The following TFDP2 variants were observed in gnomAD, a reference collection of about 807,000 sequenced individuals.
TFDP2 encodes the protein transcription factor Dp-2, also known as transcription factor Dp-2 (E2F dimerization partner 2).
A neutral mutation model predicts 59.3 loss-of-function variants in TFDP2; 17 were observed. The ratio of observed to expected loss-of-function variants is 0.29; its 90% CI spans 0.20 to 0.43. The LOEUF is 0.43. Among genes scored for constraint, TFDP2 ranks in the 20% least tolerant of loss-of-function variants. The probability of loss-of-function intolerance (pLI) is 1.00; values close to 1 mark genes in which losing one functional copy is unlikely to be tolerated. For synonymous variants in TFDP2, 180 were observed against 194.7 expected (o/e 0.92, Z 0.63); for missense variants, 391 against 528.8 (o/e 0.74, Z 2.56).
intron 3 of TFDP2, among the ~76,000 whole-genome samples, chr3:142,034,350 C>G (rs569973335): frequency 8.5e-5 from 13 of 152,120 alleles, no homozygotes; most frequent in African/African-American, 2.9e-4. Context: ...CCGCCCACCT[C>G]GGCCTCCCAA....
chr3:142,037,733 G>C (rs1290136632), intron 3 of TFDP2, among the ~76,000 whole-genome samples: 1 of 152,146 alleles, frequency 6.6e-6, no homozygotes, highest in Non-Finnish European at 1.5e-5. Context: ...AAAACATGGG[G>C]AAAGAAACAT....
In TFDP2 at chr3:142,001,558, C is replaced by T. The variant is rs79743299; in HGVS notation, c.186+3883G>A. 4.0e-3 allele frequency among the ~76,000 whole-genome samples: 604 copies of T among 152,264 alleles called. 4 individuals carry two copies. The highest frequency in any genetic ancestry group is 7.0e-3 in the Admixed American group (107 of 15,284). Reference sequence around the variant, plus strand: ...AGCTTCCACCCATGCACGCTAATCTCCTTATCAAAAGGTGACTAGGCCACT... The same window carrying T: ...AGCTTCCACCCATGCACGCTAATCTTCTTATCAAAAGGTGACTAGGCCACT... On this transcript the variant is annotated intron_variant, in intron 4 of 12. Transcript: ENST00000489671.
At chr3:142,060,257 T>C (rs1040397836) in intron 3 of TFDP2, among the ~76,000 whole-genome samples, 3 of 152,174 alleles carry the variant, frequency 2.0e-5, no homozygotes, top group Non-Finnish European at 4.4e-5. Flanking sequence ...ATCCTTCCAC[T>C]TCAGCCTCCC....
intron 4 of TFDP2, 60 bp downstream of exon 4, chr3:142,005,381 T>C (rs923381366): frequency 4.5e-6 from 6 of 1,342,522 alleles, no homozygotes; most frequent in East Asian, 4.6e-5. Context: ...AATGCAATTA[T>C]TCTTTAAATT....
intron 3 of TFDP2, among the ~76,000 whole-genome samples, chr3:142,041,085 A>G (rs1444818452): frequency 6.6e-6 from 1 of 152,182 alleles, no homozygotes; most frequent in African/African-American, 2.4e-5. Context: ...AGTTCTGTCA[A>G]TTCTCCTAGT....
rs1935285431 is a variant in TFDP2 at position 141,946,705 on chromosome 3, A to G, written c.*5808T>C. 1 of 152,162 alleles carries G rather than the reference A, an allele frequency of 6.6e-6. No individual in the cohort carries two copies. The highest frequency in any genetic ancestry group is 6.6e-5 in the Admixed American group (1 of 15,262). The allele number at this position is 152,162 out of a possible 1,614,324, so 9.4% of individuals were successfully genotyped here. A position where few individuals can be genotyped will look rare whatever the true frequency, so the allele number is the denominator to read the frequency against. On this transcript the variant is annotated 3_prime_UTR_variant, in exon 13 of 13. Transcript: ENST00000489671. ...TACTTCCTGAGAAACGTTATAATTT[A>G]TGTGGGTATTGAGCTTGAATTTTTT...
intron 3 of TFDP2, among the ~76,000 whole-genome samples, chr3:142,067,598 C>T (rs535423645): frequency 1.9e-4 from 29 of 152,184 alleles, no homozygotes; most frequent in Middle Eastern, 6.8e-3. Flanking sequence ...CTGCAAGTTA[C>T]TTTGTAGTTA....
At chr3:142,123,584 T>C (rs1362830814) in intron 1 of TFDP2, among the ~76,000 whole-genome samples, 1 of 152,148 alleles carries the variant, frequency 6.6e-6, no homozygotes, top group Non-Finnish European at 1.5e-5. Context: ...TGTAAAGCTA[T>C]GGCATGCAAA....
Position 141,949,819 on chromosome 3 carries a change from T to TTTTTTTG in TFDP2, c.*2693_*2694insCAAAAAA, listed in dbSNP as rs62967562. On this transcript the variant is annotated 3_prime_UTR_variant, in exon 13 of 13. Transcript: ENST00000489671. ...GACCACAACTTCCATTTTTTTTTTT[T>TTTTTTTG]TTTTTTTTGAGACAGGGTCTTGCTC... is the stretch of plus-strand genomic sequence containing the variant. The TTTTTTTG allele has an allele frequency of 1.4e-5, 2 of 144,428 alleles. No homozygotes were observed. The highest frequency in any genetic ancestry group is 3.0e-5 in the Non-Finnish European group (2 of 67,234). The allele number at this position is 144,428 out of a possible 1,614,324, so 8.9% of individuals were successfully genotyped here. A position where few individuals can be genotyped will look rare whatever the true frequency, so the allele number is the denominator to read the frequency against.
intron 3 of TFDP2, among the ~76,000 whole-genome samples, chr3:142,073,889 A>T (rs551616553): frequency 1.6e-4 from 25 of 152,236 alleles, no homozygotes; most frequent in Non-Finnish European, 3.4e-4. Flanking sequence ...TAGAGATTCA[A>T]TGCAATCTCC....
At chr3:141,959,566 A>C in intron 11 of TFDP2, 108 bp downstream of exon 11, 1 of 1,217,860 alleles carries the variant, frequency 8.2e-7, no homozygotes, top group South Asian at 1.5e-5. Context: ...GTTTGTCGAC[A>C]CAAGCACAGA....
intron 3 of TFDP2, among the ~76,000 whole-genome samples, chr3:142,060,837 A>G (rs902324742): frequency 6.6e-6 from 1 of 152,204 alleles, no homozygotes; most frequent in Non-Finnish European, 1.5e-5. Flanking sequence ...TGCTTTACAA[A>G]TATTATCTTA....
intron 6 of TFDP2, among the ~76,000 whole-genome samples, chr3:141,985,581 G>C (rs1490726492): frequency 1.3e-5 from 2 of 149,784 alleles, no homozygotes; most frequent in Non-Finnish European, 3.0e-5. Context: ...ATATGCTTCT[G>C]GGTTACATTT....
At chr3:142,089,934 TA>T (rs1209503208) in intron 3 of TFDP2, among the ~76,000 whole-genome samples, 1 of 152,178 alleles carries the variant, frequency 6.6e-6, no homozygotes, top group Non-Finnish European at 1.5e-5. Context: ...ATTTTTTTTC[TA>T]TTTTTCAAAA....
intron 1 of TFDP2, among the ~76,000 whole-genome samples, chr3:142,110,096 C>T (rs1378819390): frequency 6.6e-6 from 1 of 152,112 alleles, no homozygotes; most frequent in Non-Finnish European, 1.5e-5. Flanking sequence ...ATTGCCCAGG[C>T]TGGTCTTGAA....
Position 141,946,604 on chromosome 3 carries a change from G to A in TFDP2, c.*5909C>T, listed in dbSNP as rs1935274921. The A allele has an allele frequency of 6.6e-6, 1 of 152,206 alleles. No homozygotes were observed. The highest frequency in any genetic ancestry group is 2.4e-5 in the African/African-American group (1 of 41,454). The allele number at this position is 152,206 out of a possible 1,614,324, so 9.4% of individuals were successfully genotyped here. A position where few individuals can be genotyped will look rare whatever the true frequency, so the allele number is the denominator to read the frequency against. On this transcript the variant is annotated 3_prime_UTR_variant, in exon 13 of 13. Transcript: ENST00000489671. Reference sequence around the variant, plus strand: ...ACTTTTTCTTCTTTAGCATACTGTGGAGTGAGACATGTGGGAAAATCGGAT... The same window carrying A: ...ACTTTTTCTTCTTTAGCATACTGTGAAGTGAGACATGTGGGAAAATCGGAT...
At chr3:142,007,066 G>A (rs972875398) in intron 3 of TFDP2, among the ~76,000 whole-genome samples, 5 of 152,096 alleles carry the variant, frequency 3.3e-5, no homozygotes, top group South Asian at 2.1e-4. Context: ...GAGCCACCAC[G>A]CCTGGCCCTA....
At chr3:141,987,898 C>G (rs1432190400) in intron 6 of TFDP2, among the ~76,000 whole-genome samples, 1 of 150,346 alleles carries the variant, frequency 6.7e-6, no homozygotes, top group African/African-American at 2.5e-5. Context: ...GAGATTGTGC[C>G]ACTGCACTCC....
intron 1 of TFDP2, among the ~76,000 whole-genome samples, chr3:142,120,743 T>G (rs1399735848): frequency 1.3e-5 from 2 of 152,176 alleles, no homozygotes; most frequent in African/African-American, 4.8e-5. Flanking sequence ...AAAACCTTTA[T>G]AGCTAACTGT....
Sources: gnomAD v4.1 joint callset for allele counts (sites outside exome capture counted in the v4.1 genomes callset) on GRCh38, gnomAD v4.1.1 for gene constraint, MANE v1.5 for transcripts, NCBI Gene and HGNC (gene_info 2026-07-23, HGNC 2026-07-21) for gene names.